ITGA5: variants seen among roughly 807,000 people sequenced by gnomAD.
ITGA5 encodes the protein integrin subunit alpha 5.
Under a neutral mutation model 146.3 loss-of-function variants are expected in ITGA5, and 55 were observed. The ratio of observed to expected loss-of-function variants is 0.38; its 90% CI spans 0.30 to 0.47. ITGA5 has a LOEUF of 0.47. Among genes scored for constraint, ITGA5 ranks in the 20% least tolerant of loss-of-function variants. The pLI, the probability that ITGA5 is intolerant of heterozygous loss-of-function variation, is 0.99. For synonymous variants in ITGA5, 500 were observed against 531.8 expected (o/e 0.94, Z 0.82); for missense variants, 1,131 against 1,329.0 (o/e 0.85, Z 2.32).
chr12:54,405,018 T>C lies in ITGA5; in HGVS notation c.1226-124A>G. On this transcript the variant is annotated intron_variant, in intron 12 of 29. Coordinates refer to ENST00000293379, the MANE Select transcript of ITGA5 (RefSeq NM_002205.5). ...TCTGTCAGTCCCTATATTCTAATCT[T>C]CAAATCCCAAGACCCAGACAGTGGG... 5.0e-6 allele frequency: 6 copies of C among 1,198,360 alleles called. No individual in the cohort carries two copies. The South Asian group carries it at 9.2e-5, about 18-fold the overall frequency. The allele number at this position is 1,198,360 out of a possible 1,614,324, so 74.2% of individuals were successfully genotyped here.
In ITGA5 at chr12:54,399,966, G is replaced by T; in HGVS notation, c.2644-19C>A. 6.3e-7 allele frequency: 1 copy of T among 1,594,686 alleles called. No individual in the cohort carries two copies. The highest frequency in any genetic ancestry group is 1.1e-5 in the South Asian group (1 of 90,676). On this transcript the variant is annotated intron_variant, in intron 25 of 29. Transcript: ENST00000293379. ...GATCCAACTATAAAAGAAAGTGTTG[G>T]GCCCCTTTCCCATCTCATTACAGCT...
chr12:54,406,257 G>T, intron 9 of ITGA5: 1 of 417,498 alleles, frequency 2.4e-6, no homozygotes, highest in Non-Finnish European at 4.4e-6. Context: ...AGAACCTAAA[G>T]TCATGCTTGG....
chr12:54,397,084 G>C (rs917385607), intron 29 of ITGA5, among the ~76,000 whole-genome samples: 1 of 152,146 alleles, frequency 6.6e-6, no homozygotes, highest in African/African-American at 2.4e-5. Flanking sequence ...TGGAGAAATT[G>C]ACAGCACAAA....
rs1439114037 is a variant in ITGA5, at chr12:54,403,233, A to G, written c.1868T>C (p.Leu623Pro). The G allele has an allele frequency of 6.4e-7, 1 of 1,568,582 alleles. No homozygotes were observed. Among genetic ancestry groups the G allele is most frequent in the Non-Finnish European group, 8.6e-7 (1 of 1,158,940 alleles). The change falls in exon 18 of 30, where the codon CTC (leucine) becomes CCC (proline). Residue 623 changes from leucine to proline, a missense_variant. Coordinates refer to ENST00000293379, the MANE Select transcript of ITGA5 (RefSeq NM_002205.5). This position sits in a 1 kb window ranked among gnomAD's most constrained non-coding sequence, Gnocchi z 4.9. ...GCTCTGATAATGTAGGGCTGGCCTGAGGCCGTGGCTGTCCACTGGGGCTTG... is the reference window on the plus strand; with the variant it reads ...GCTCTGATAATGTAGGGCTGGCCTGGGGCCGTGGCTGTCCACTGGGGCTTG... ...DPQAPVDSHG[L>P]RPALHYQSKS...
rs1396426987 is a variant in ITGA5 at position 54,403,876 on chromosome 12, C to T, written c.1621+35G>A. 6.2e-7 allele frequency: 1 copy of T among 1,613,560 alleles called. No homozygotes were observed. Among genetic ancestry groups the T allele is most frequent in the Non-Finnish European group, 8.5e-7 (1 of 1,179,460 alleles). On this transcript the variant is annotated intron_variant, in intron 16 of 29. Transcript: ENST00000293379. This position sits in a 1 kb window ranked among gnomAD's most constrained non-coding sequence, Gnocchi z 4.9. Reference sequence around the variant, plus strand: ...GGTCCCCAGTCCCTTCATTCTCTGTCCTAGGGCCTGAGAGATCCAGGCAGT... The same window carrying T: ...GGTCCCCAGTCCCTTCATTCTCTGTTCTAGGGCCTGAGAGATCCAGGCAGT...
At position 54,400,939 on chromosome 12, in the gene ITGA5, G is replaced by T. The variant is rs1955777634; in HGVS notation, c.2550C>A (p.Pro850=). The T allele has an allele frequency of 1.2e-6, 2 of 1,613,832 alleles. No individual in the cohort carries two copies. Among genetic ancestry groups the T allele is most frequent in the Non-Finnish European group, 1.7e-6 (2 of 1,179,942 alleles). Residue 850 remains proline, a synonymous_variant, in exon 25 of 30, where the codon CCC becomes CCA. Transcript: ENST00000293379. The part of the protein sequence containing the change: ...ISQGVLELSC[P]QALEGQQLLY... ...GGAGCTGCTGACCTTCCAGAGCCTG[G>T]GGACAGCTGAGTTCCAGCACACCCT...
At position 54,402,212 on chromosome 12, in the gene ITGA5, C is replaced by T; in HGVS notation, c.2101G>A (p.Ala701Thr). The T allele has an allele frequency of 6.2e-7, 1 of 1,613,964 alleles. No individual in the cohort carries two copies. Among genetic ancestry groups the T allele is most frequent in the African/African-American group, 1.3e-5 (1 of 75,044 alleles). The part of the protein sequence containing the change: ...AELRVTAPPE[A>T]EYSGLVRHPG... Reference sequence around the variant, plus strand: ...TGTCTGACGAGTCCTGAGTACTCAGCCTCTGGAGGGGCGGTGACCCGAAGC... The same window carrying T: ...TGTCTGACGAGTCCTGAGTACTCAGTCTCTGGAGGGGCGGTGACCCGAAGC... The change falls in exon 20 of 30, where the codon GCT (alanine) becomes ACT (threonine). Residue 701 changes from alanine (A) to threonine (T), a missense_variant. Around this residue, in one of 3 missense-constraint regions of ITGA5, gnomAD observed 889 missense variants for 1,021.5 expected, o/e 0.87. Coordinates refer to ENST00000293379, the MANE Select transcript of ITGA5 (RefSeq NM_002205.5).
intron 29 of ITGA5, among the ~76,000 whole-genome samples, chr12:54,396,953 T>G (rs1228321953): frequency 6.6e-6 from 1 of 152,112 alleles, no homozygotes; most frequent in Non-Finnish European, 1.5e-5. Flanking sequence ...CCCAAAATGT[T>G]GGGATTACAG....
chr12:54,399,888 A>G lies in ITGA5; in HGVS notation c.2703T>C (p.Ser901=). Reference sequence around the variant, plus strand: ...CCAGGATCTGAGGTCCCGAGGAAGCAGAGCTGCGGCTTGGAGCTTCCCGTT... The same window carrying G: ...CCAGGATCTGAGGTCCCGAGGAAGCGGAGCTGCGGCTTGGAGCTTCCCGTT... ...QQKREAPSRS[S]ASSGPQILKC... The change falls in exon 26 of 30, where the codon TCT becomes TCC. Residue 901 remains serine (S), a synonymous_variant. Coordinates refer to ENST00000293379, the MANE Select transcript of ITGA5 (RefSeq NM_002205.5). 2 of 1,614,158 alleles carry G rather than the reference A, an allele frequency of 1.2e-6. No homozygotes were observed. The highest frequency in any genetic ancestry group is 1.7e-6 in the Non-Finnish European group (2 of 1,179,986).
chr12:54,418,925 C>T, intron 1 of ITGA5, 56 bp downstream of exon 1: 1 of 1,593,260 alleles, frequency 6.3e-7, no homozygotes, highest in Non-Finnish European at 8.6e-7. Flanking sequence ...CAGCCGCGCC[C>T]CCAGTCTCCA....
chr12:54,396,076 G>A lies in ITGA5; in HGVS notation c.*217C>T. 1.9e-6 allele frequency: 1 copy of A among 529,090 alleles called. No individual in the cohort carries two copies. Among genetic ancestry groups the A allele is most frequent in the South Asian group, 2.3e-5 (1 of 43,606 alleles). The allele number at this position is 529,090 out of a possible 1,614,324, so 32.8% of individuals were successfully genotyped here. A position where few individuals can be genotyped will look rare whatever the true frequency, so the allele number is the denominator to read the frequency against. ...CTGAGTTCCCCCATCCATGAAGAGG[G>A]TATGTGTAAACAAGGGTCCTTCACA... On this transcript the variant is annotated 3_prime_UTR_variant, in exon 30 of 30. Transcript: ENST00000293379.
intron 1 of ITGA5, among the ~76,000 whole-genome samples, chr12:54,414,130 C>T (rs1481992834): frequency 2.6e-5 from 4 of 152,222 alleles, no homozygotes; most frequent in East Asian, 1.9e-4. Flanking sequence ...CCTTTCCTCC[C>T]GGCACACTAC....
At chr12:54,406,582 T>C (rs963805289) in intron 9 of ITGA5, among the ~76,000 whole-genome samples, 1 of 152,214 alleles carries the variant, frequency 6.6e-6, no homozygotes, top group Admixed American at 6.5e-5. Flanking sequence ...TCTTGGCTGG[T>C]CCTCCAAAGC....
intron 2 of ITGA5, among the ~76,000 whole-genome samples, chr12:54,411,020 C>T (rs1955937826): frequency 1.3e-5 from 2 of 152,210 alleles, no homozygotes; most frequent in South Asian, 4.1e-4. Context: ...AGCCACCACA[C>T]CCAGCTCTGT....
chr12:54,400,043 T>C, intron 25 of ITGA5, 96 bp from the exon 26 acceptor site: 1 of 823,916 alleles, frequency 1.2e-6, no homozygotes, highest in Non-Finnish European at 2.1e-6. Flanking sequence ...TATTCTTTCA[T>C]CTATCTCTTT....
intron 14 of ITGA5, 85 bp from the exon 15 acceptor site, chr12:54,404,331 T>A: frequency 6.4e-7 from 1 of 1,565,750 alleles, no homozygotes; most frequent in Non-Finnish European, 8.8e-7. Context: ...CGCCAGAATG[T>A]GTGTCCTCTG....
rs1225459761 is a variant in ITGA5 at position 54,404,511 on chromosome 12, C to T, written c.1418-36G>A. On this transcript the variant is annotated intron_variant, in intron 13 of 29. Coordinates refer to ENST00000293379, the MANE Select transcript of ITGA5 (RefSeq NM_002205.5). ...TCAAGAAATCACCTCTTACAGCAAGCCCCAGATCAGGATCCTTTCTTCCTA... is the reference window on the plus strand; with the variant it reads ...TCAAGAAATCACCTCTTACAGCAAGTCCCAGATCAGGATCCTTTCTTCCTA... 1.1e-5 allele frequency: 17 copies of T among 1,611,796 alleles called. No homozygotes were observed. The African/African-American group carries it at 1.3e-4, about 13-fold the overall frequency.
chr12:54,416,706 G>A lies in ITGA5; in HGVS notation c.218+2275C>T, dbSNP rs1206629392. Among the ~76,000 whole-genome samples, 1 of 152,146 alleles carries A rather than the reference G, an allele frequency of 6.6e-6. No individual in the cohort carries two copies. Among genetic ancestry groups the A allele is most frequent in the South Asian group, 2.1e-4 (1 of 4,832 alleles). ...CGTTAGTCAGGTGTCTGATTTTCAC[G>A]GGAAGACCAGGCTCCAAGAGCTTAA... On this transcript the variant is annotated intron_variant, in intron 1 of 29. Transcript: ENST00000293379. The surrounding 1 kb of genome is among the most constrained non-coding windows in gnomAD (Gnocchi z 4.1).
At chr12:54,418,137 C>A (rs1324143309) in intron 1 of ITGA5, among the ~76,000 whole-genome samples, 4 of 152,020 alleles carry the variant, frequency 2.6e-5, no homozygotes, top group African/African-American at 2.4e-5. Context: ...ACAGCTCCAG[C>A]CGACCAGCTA....
Sources: gnomAD v4.1 joint callset for allele counts (sites outside exome capture counted in the v4.1 genomes callset) on GRCh38, gnomAD v4.1.1 for gene constraint, gnomAD v4.1.1 regional missense constraint, Gnocchi (gnomAD v3.1) non-coding constraint, MANE v1.5 for transcripts, NCBI Gene and HGNC (gene_info 2026-07-23, HGNC 2026-07-21) for gene names.